NBAS: variants seen among roughly 807,000 people sequenced by gnomAD.
NBAS encodes the protein NBAS subunit of NRZ tethering complex.
A neutral mutation model predicts 302.5 loss-of-function variants in NBAS; 219 were observed. That is an observed-to-expected ratio of 0.72 (90% CI 0.65 to 0.81). NBAS has a LOEUF of 0.81. Ranked by LOEUF, NBAS falls within the 30% of genes least tolerant of loss-of-function variation. The pLI, the probability that NBAS is intolerant of heterozygous loss-of-function variation, is 0.00. For missense variants in NBAS, 2,932 were observed against 2,841.6 expected (o/e 1.03, Z -0.72); for synonymous variants, 1,118 against 1,021.6 (o/e 1.09, Z -1.80).
the NBAS span, among the ~76,000 whole-genome samples, chr2:14,782,948 G>A: frequency 5.3e-5 from 8 of 152,056 alleles, no homozygotes; most frequent in South Asian, 2.1e-4. Flanking sequence ...AGACACTGAG[G>A]CCTCCTTGAG....
chr2:14,832,850 A>C, the NBAS span, among the ~76,000 whole-genome samples: 1 of 152,194 alleles, frequency 6.6e-6, no homozygotes, highest in Admixed American at 6.6e-5. Flanking sequence ...TGTGACAAGC[A>C]AAACTGTTTC....
rs1558317801 is a variant in NBAS, at chr2:15,415,737, C to T, written c.2764-18G>A. 1.2e-6 allele frequency: 2 copies of T among 1,613,654 alleles called. No individual in the cohort carries two copies. The highest frequency in any genetic ancestry group is 8.5e-7 in the Non-Finnish European group (1 of 1,179,606). On this transcript the variant is annotated intron_variant, in intron 24 of 51. Coordinates refer to ENST00000281513, the MANE Select transcript of NBAS (RefSeq NM_015909.4). ...TCAGAACACTGAAAGTACAATCAAG[C>T]AAAACAGACAAACAAGAATGAAGTT... is the stretch of plus-strand genomic sequence containing the variant.
chr2:15,160,599 G>C, the NBAS span, among the ~76,000 whole-genome samples: 1 of 132,000 alleles, frequency 7.6e-6, no homozygotes, highest in Non-Finnish European at 1.6e-5. Flanking sequence ...GGGAGGGGGG[G>C]GGGCAGGAGG....
At position 15,474,266 on chromosome 2, in the gene NBAS, T is replaced by C; in HGVS notation, c.1400A>G (p.Asp467Gly). The change falls in exon 15 of 52, where the codon GAT becomes GGT. Residue 467 changes from aspartate (D) to glycine (G), a missense_variant. Transcript: ENST00000281513. The stretch of plus-strand genomic sequence containing the variant: ...AGAATCAGAATCCTCTTCTCCTTCA[T>C]CTTCTTCTCCAGCTCTAGTCTCCAA... ...SRLETRAGEE[D>G]EGEEDSDSDY... 1 of 1,614,010 alleles carries C rather than the reference T, an allele frequency of 6.2e-7. No individual in the cohort carries two copies. Among genetic ancestry groups the C allele is most frequent in the Non-Finnish European group, 8.5e-7 (1 of 1,179,896 alleles).
chr2:15,539,049 G>A (rs1663663791), intron 7 of NBAS, among the ~76,000 whole-genome samples, 174 bp downstream of exon 7: 1 of 152,134 alleles, frequency 6.6e-6, no homozygotes, highest in Non-Finnish European at 1.5e-5. Context: ...CAAAATACAA[G>A]GAATAACTAT....
chr2:15,120,381 G>A, the NBAS span, among the ~76,000 whole-genome samples: 1 of 152,130 alleles, frequency 6.6e-6, no homozygotes, highest in African/African-American at 2.4e-5. Flanking sequence ...GAGATTAAGT[G>A]ACAAGCCCAC....
chr2:15,272,946 T>C (rs1669396005), intron 44 of NBAS, among the ~76,000 whole-genome samples: 1 of 152,190 alleles, frequency 6.6e-6, no homozygotes, highest in African/African-American at 2.4e-5. Flanking sequence ...TAAAGCATGG[T>C]AAATAACAGC....
intron 42 of NBAS, among the ~76,000 whole-genome samples, chr2:15,283,321 G>C (rs1456474028): frequency 6.6e-6 from 1 of 152,100 alleles, no homozygotes; most frequent in African/African-American, 2.4e-5. Flanking sequence ...TTGATTGCAT[G>C]CCCACCCAAA....
At chr2:15,029,223 T>TA in the NBAS span, among the ~76,000 whole-genome samples, 362 of 152,304 alleles carry the variant, frequency 2.4e-3, 2 homozygotes, top group Non-Finnish European at 3.9e-3. Context: ...GAGAACTCTC[T>TA]AAAAAATAGA....
At chr2:15,404,848 C>T (rs191314497) in intron 25 of NBAS, among the ~76,000 whole-genome samples, 1 of 152,176 alleles carries the variant, frequency 6.6e-6, no homozygotes, top group East Asian at 1.9e-4. Flanking sequence ...GTCCTTGAGT[C>T]CATATTTGAC....
At chr2:15,381,707 G>T (rs1202269247) in intron 29 of NBAS, among the ~76,000 whole-genome samples, 1 of 152,166 alleles carries the variant, frequency 6.6e-6, no homozygotes, top group African/African-American at 2.4e-5. Flanking sequence ...AATGAAGTTG[G>T]TTTCAGGTTT....
At chr2:15,231,419 G>A (rs577777569) in intron 47 of NBAS, among the ~76,000 whole-genome samples, 1 of 152,220 alleles carries the variant, frequency 6.6e-6, no homozygotes, top group East Asian at 1.9e-4. Flanking sequence ...CGGCATCTGA[G>A]TACTACATTA....
In NBAS at chr2:15,361,837, A is replaced by G. The variant is rs190129351; in HGVS notation, c.3817+4743T>C. ...CTACTAAAAATACAAAAAATTAGCC[A>G]GGTGTGGTGGCACATGCCTGTAATC... On this transcript the variant is annotated intron_variant, in intron 32 of 51. Coordinates refer to ENST00000281513, the MANE Select transcript of NBAS (RefSeq NM_015909.4). Among the ~76,000 whole-genome samples the G allele has an allele frequency of 3.2e-3, 484 of 151,940 alleles. 6 individuals are homozygous for G. Among genetic ancestry groups the G allele is most frequent in the African/African-American group, 0.011 (451 of 41,484 alleles).
chr2:14,784,147 T>C, the NBAS span, among the ~76,000 whole-genome samples: 14 of 152,196 alleles, frequency 9.2e-5, no homozygotes, highest in Middle Eastern at 3.2e-3. Flanking sequence ...TCATGTCCTT[T>C]GCCCACTTTT....
chr2:15,175,912 G>C (rs1338516375), intron 51 of NBAS, among the ~76,000 whole-genome samples: 2 of 152,156 alleles, frequency 1.3e-5, no homozygotes, highest in Non-Finnish European at 2.9e-5. Context: ...CAAACAAGTG[G>C]GGGTGTTTTT....
chr2:15,207,185 G>A (rs546038722), intron 48 of NBAS, among the ~76,000 whole-genome samples: 1 of 152,322 alleles, frequency 6.6e-6, no homozygotes, highest in East Asian at 1.9e-4. Context: ...CTGGATATGA[G>A]ACATGGAGTC....
At chr2:15,525,698 G>A (rs7585979) in intron 9 of NBAS, among the ~76,000 whole-genome samples, 5,962 of 152,110 alleles carry the variant, frequency 0.039, 369 homozygotes, top group African/African-American at 0.13. Flanking sequence ...ATGTAAATTA[G>A]GGTCTAGAAG....
At chr2:15,026,462 C>CAAAAAAAGAAAAAA in the NBAS span, among the ~76,000 whole-genome samples, 1 of 4,534 alleles carries the variant, frequency 2.2e-4, no homozygotes, top group Non-Finnish European at 2.9e-4. Flanking sequence ...GACTCCGTCT[C>CAAAAAAAGAAAAAA]AAAAAAAAAA....
At chr2:15,301,597 T>A (rs1196579673) in intron 40 of NBAS, among the ~76,000 whole-genome samples, 2 of 152,150 alleles carry the variant, frequency 1.3e-5, no homozygotes, top group Non-Finnish European at 2.9e-5. Flanking sequence ...CACATCCAGC[T>A]CAGAAGAAAG....
Sources: gnomAD v4.1 joint callset for allele counts (sites outside exome capture counted in the v4.1 genomes callset) on GRCh38, gnomAD v4.1.1 for gene constraint, MANE v1.5 for transcripts, NCBI Gene and HGNC (gene_info 2026-07-23, HGNC 2026-07-21) for gene names.